ZSCAN5A: variants seen among roughly 807,000 people sequenced by gnomAD.
ZSCAN5A encodes zinc finger and SCAN domain-containing protein 5A.
A neutral mutation model predicts 23.7 loss-of-function variants in ZSCAN5A; 12 were observed. That is an observed-to-expected ratio of 0.51 (90% CI 0.32 to 0.82). The LOEUF (loss-of-function observed/expected upper bound fraction) is 0.82, where lower values mean the gene tolerates loss of function less well. ZSCAN5A is among the 40% of genes least tolerant of loss of function. The pLI is 0.03. For missense variants in ZSCAN5A, 597 were observed against 617.9 expected (o/e 0.97, Z 0.36); for synonymous variants, 257 against 239.9 (o/e 1.07, Z -0.66).
intron 2 of ZSCAN5A, among the ~76,000 whole-genome samples, chr19:56,340,569 GC>G (rs777334861): frequency 1.3e-5 from 2 of 152,170 alleles, no homozygotes; most frequent in Non-Finnish European, 2.9e-5. Flanking sequence ...AAACAAACAA[GC>G]TTAATCAGGA....
intron 2 of ZSCAN5A, among the ~76,000 whole-genome samples, chr19:56,360,292 C>T (rs535589284): frequency 1.3e-5 from 2 of 152,002 alleles, no homozygotes; most frequent in South Asian, 2.1e-4. Flanking sequence ...AGACAAGCAG[C>T]GAGCCAAATC....
chr19:56,294,820 C>T (rs1379490896), intron 2 of ZSCAN5A, among the ~76,000 whole-genome samples: 2 of 152,228 alleles, frequency 1.3e-5, no homozygotes, highest in African/African-American at 4.8e-5. Context: ...AGTGCTGACA[C>T]AGGACACAAC....
chr19:56,222,535 C>T, intron 5 of ZSCAN5A, 56 bp downstream of exon 5: 3 of 1,592,410 alleles, frequency 1.9e-6, no homozygotes, highest in African/African-American at 1.3e-5. Flanking sequence ...GGGCCCCCAG[C>T]CCCGCACCCC....
chr19:56,229,475 G>T (rs1226184638), intron 2 of ZSCAN5A, among the ~76,000 whole-genome samples: 1 of 152,088 alleles, frequency 6.6e-6, no homozygotes, highest in East Asian at 1.9e-4. Context: ...ATTTTTTCTT[G>T]TTTACCACTG....
rs919349135 is a variant in ZSCAN5A, at chr19:56,339,342, G to A, written c.-357-23074C>T. 9.3e-5 allele frequency among the ~76,000 whole-genome samples: 14 copies of A among 150,450 alleles called. 1 individual carries two copies. The highest frequency in any genetic ancestry group is 8.4e-4 in the South Asian group (4 of 4,740). On this transcript the variant is annotated intron_variant, in intron 2 of 6. Transcript: ENST00000587340. ...AATATGTGAAGGAGCGGCTGTAGCC[G>A]CATTTAGCAATATGTGAAGGAGCGG...
intron 2 of ZSCAN5A, chr19:56,263,814 CAT>C (rs1374340606): frequency 6.6e-6 from 1 of 152,022 alleles, no homozygotes; most frequent in African/African-American, 2.4e-5. Context: ...ATGATAATAA[CAT>C]GTAATAACAA....
intron 2 of ZSCAN5A, among the ~76,000 whole-genome samples, chr19:56,227,221 TA>T (rs2034037222): frequency 6.6e-6 from 1 of 152,234 alleles, no homozygotes; most frequent in South Asian, 2.1e-4. Context: ...ATATGAATAT[TA>T]GCTCAATTTA....
At chr19:56,313,713 T>C (rs1167151065) in intron 1 of ZSCAN5A, among the ~76,000 whole-genome samples, 2 of 152,258 alleles carry the variant, frequency 1.3e-5, no homozygotes, top group Non-Finnish European at 2.9e-5. Context: ...TGTTAGTTTT[T>C]TGTAACTTCT....
At chr19:56,363,654 G>A (rs1267913060) in intron 1 of ZSCAN5A, among the ~76,000 whole-genome samples, 1 of 152,222 alleles carries the variant, frequency 6.6e-6, no homozygotes. Context: ...TGGAACAAAC[G>A]TGACATGTGT....
rs541505907 is a variant in ZSCAN5A, at chr19:56,299,554, T to G, written c.-128+13729A>C. Among the ~76,000 whole-genome samples, 3 of 152,220 alleles carry G rather than the reference T, an allele frequency of 2.0e-5. 1 individual carries two copies. The South Asian group carries it at 6.2e-4, about 32-fold the overall frequency. On this transcript the variant is annotated intron_variant, in intron 2 of 5. Transcript: ENST00000683990. ...CAAGCTGTTTAAGGTAAAACACAGT[T>G]GTCCCTCAGTATCCTCAGGGGTTGG... is the stretch of plus-strand genomic sequence containing the variant.
chr19:56,351,937 A>G lies in ZSCAN5A; in HGVS notation c.-358+11298T>C, dbSNP rs2058319. The stretch of plus-strand genomic sequence containing the variant: ...AGACCTGAGACGTTTGCAAGATGAA[A>G]TTGTGTTGCGGGATGAAGATGTCAT... On this transcript the variant is annotated intron_variant, in intron 2 of 6. Coordinates refer to the ZSCAN5A transcript ENST00000587340. The surrounding 1 kb of genome is among the most constrained non-coding windows in gnomAD (Gnocchi z 4.8). Among the ~76,000 whole-genome samples, 98,217 of 152,018 alleles carry G rather than the reference A, an allele frequency of 0.65. 33,181 individuals are homozygous for G. The highest frequency in any genetic ancestry group is 0.84 in the African/African-American group (34,930 of 41,492).
At chr19:56,262,138 G>A (rs1012203711) in intron 2 of ZSCAN5A, among the ~76,000 whole-genome samples, 3 of 151,426 alleles carry the variant, frequency 2.0e-5, no homozygotes, top group African/African-American at 7.3e-5. Context: ...CTGACTCAGC[G>A]TCCTGAGTAG....
chr19:56,326,891 A>C lies in ZSCAN5A; in HGVS notation c.-357-10623T>G, dbSNP rs117257958. Among the ~76,000 whole-genome samples, 1,180 of 152,256 alleles carry C rather than the reference A, an allele frequency of 7.8e-3. 7 individuals are homozygous for C. Among genetic ancestry groups the C allele is most frequent in the Middle Eastern group, 0.017 (5 of 294 alleles). On this transcript the variant is annotated intron_variant, in intron 2 of 6. Coordinates refer to the ZSCAN5A transcript ENST00000587340. ...AAACCAGCCTTGAGCAGAACATAGC[A>C]GCTGAAAGACACTCCTTACACTTTG...
chr19:56,287,737 GA>G (rs979562257), intron 2 of ZSCAN5A, among the ~76,000 whole-genome samples: 7 of 152,206 alleles, frequency 4.6e-5, no homozygotes, highest in Non-Finnish European at 1.0e-4. Flanking sequence ...AACAGGTGGG[GA>G]AACTGAGGGC....
chr19:56,284,111 G>A (rs961083024), intron 2 of ZSCAN5A: 70 of 975,824 alleles, frequency 7.2e-5, no homozygotes, highest in African/African-American at 1.2e-4. Context: ...TTATGGCTTC[G>A]TCTTTGTGAC....
chr19:56,241,769 T>C (rs2146622297), intron 2 of ZSCAN5A, among the ~76,000 whole-genome samples: 1 of 152,310 alleles, frequency 6.6e-6, no homozygotes, highest in Non-Finnish European at 1.5e-5. Flanking sequence ...TTCTACTCAC[T>C]GCTACTATGA....
chr19:56,342,898 A>C, intron 2 of ZSCAN5A: 1 of 1,038,902 alleles, frequency 9.6e-7, no homozygotes, highest in Admixed American at 1.7e-5. Context: ...TAGTCTCCCC[A>C]TCCTGAGGCA....
chr19:56,345,091 G>A (rs112301655), intron 2 of ZSCAN5A, among the ~76,000 whole-genome samples: 19 of 151,506 alleles, frequency 1.3e-4, no homozygotes, highest in African/African-American at 4.6e-4. Context: ...GGGCAACAGA[G>A]CGAGACTACA....
intron 2 of ZSCAN5A, among the ~76,000 whole-genome samples, chr19:56,269,583 G>C (rs1253218087): frequency 6.6e-6 from 1 of 152,186 alleles, no homozygotes; most frequent in East Asian, 1.9e-4. Flanking sequence ...TCTTGTAAGT[G>C]AAAGAGGGAG....
Sources: allele counts gnomAD v4.1 joint callset (sites outside exome capture counted in the v4.1 genomes callset), GRCh38; gene constraint gnomAD v4.1.1; non-coding constraint Gnocchi (gnomAD v3.1); transcripts MANE v1.5; gene names NCBI Gene and HGNC (gene_info 2026-07-23, HGNC 2026-07-21).